DLG2: variants seen among roughly 807,000 people sequenced by gnomAD.
DLG2 encodes the protein disks large homolog 2.
A neutral mutation model predicts 132.5 loss-of-function variants in DLG2; 45 were observed. The ratio of observed to expected loss-of-function variants is 0.34; its 90% CI spans 0.27 to 0.44. The LOEUF (loss-of-function observed/expected upper bound fraction) is 0.44. DLG2 is among the 20% of genes least tolerant of loss of function. The pLI is 1.00. For synonymous variants in DLG2, 424 were observed against 419.6 expected, an observed-to-expected ratio of 1.01 and a Z score of -0.13; for missense variants, 1,045 against 1,196.9, an observed-to-expected ratio of 0.87 and a Z score of 1.87.
At chr11:84,461,126 T>C (rs1177099242) in intron 7 of DLG2, among the ~76,000 whole-genome samples, 2 of 150,918 alleles carry the variant, frequency 1.3e-5, no homozygotes, top group African/African-American at 2.4e-5. Context: ...ATTATAACAA[T>C]ATGAATTTTA....
At chr11:84,624,501 T>A (rs1363049064) in intron 6 of DLG2, among the ~76,000 whole-genome samples, 1 of 152,190 alleles carries the variant, frequency 6.6e-6, no homozygotes, top group Non-Finnish European at 1.5e-5. Context: ...GAATGACTAC[T>A]GTAGTTATAA....
chr11:83,910,784 G>C (rs1471394868), intron 15 of DLG2, among the ~76,000 whole-genome samples: 2 of 152,078 alleles, frequency 1.3e-5, no homozygotes, highest in East Asian at 3.9e-4. Context: ...CATTTCAGTT[G>C]CTCTTCATGC....
chr11:83,801,334 G>C (rs1236988169), intron 17 of DLG2, among the ~76,000 whole-genome samples: 1 of 152,012 alleles, frequency 6.6e-6, no homozygotes. Context: ...TGACTCGGCA[G>C]CCAGAATGAT....
intron 4 of DLG2, among the ~76,000 whole-genome samples, chr11:85,216,772 C>G (rs1471562671): frequency 6.6e-6 from 1 of 152,112 alleles, no homozygotes; most frequent in East Asian, 1.9e-4. Context: ...TCTTGGCTCA[C>G]GGCAACCTCC....
At chr11:84,215,435 AT>A (rs148554094) in intron 8 of DLG2, among the ~76,000 whole-genome samples, 8 of 151,426 alleles carry the variant, frequency 5.3e-5, no homozygotes, top group Non-Finnish European at 8.8e-5. Context: ...ACTATCAATT[AT>A]TTTTTTTTCC....
chr11:83,507,661 C>T (rs1207977478), intron 21 of DLG2, among the ~76,000 whole-genome samples: 1 of 142,988 alleles, frequency 7.0e-6, no homozygotes, highest in African/African-American at 2.6e-5. Context: ...GAATCACCAC[C>T]CCTGCATCTT....
intron 21 of DLG2, among the ~76,000 whole-genome samples, chr11:83,524,433 T>A (rs2095556903): frequency 6.6e-6 from 1 of 152,160 alleles, no homozygotes; most frequent in Non-Finnish European, 1.5e-5. Flanking sequence ...ACACTTTTTT[T>A]TTTTCCTGCT....
Position 85,512,622 on chromosome 11 carries a change from T to C in DLG2, c.40+86035A>G, listed in dbSNP as rs151227983. ...GTCTCCTAGCCAGGTTTATTCTTGC[T>C]CAGTGTGATACATGTCATACTAATA... On this transcript the variant is annotated intron_variant, in intron 3 of 27. Coordinates refer to ENST00000376104, the MANE Select transcript of DLG2 (RefSeq NM_001142699.3). Among the ~76,000 whole-genome samples, 639 of 152,194 alleles carry C rather than the reference T, an allele frequency of 4.2e-3. 1 individual carries two copies. The highest frequency in any genetic ancestry group is 5.2e-3 in the Non-Finnish European group (351 of 67,976).
intron 15 of DLG2, among the ~76,000 whole-genome samples, chr11:83,893,249 G>T (rs970948987): frequency 2.0e-5 from 3 of 152,180 alleles, no homozygotes; most frequent in African/African-American, 7.2e-5. Flanking sequence ...TTGTTTTCAA[G>T]CATAACATCA....
intron 15 of DLG2, among the ~76,000 whole-genome samples, chr11:83,874,923 G>A (rs986508725): frequency 6.6e-6 from 1 of 152,034 alleles, no homozygotes; most frequent in Non-Finnish European, 1.5e-5. Flanking sequence ...AACATATTTG[G>A]AAAAGGTAAT....
chr11:84,238,387 C>T (rs371742578), intron 8 of DLG2, among the ~76,000 whole-genome samples: 10 of 151,978 alleles, frequency 6.6e-5, no homozygotes, highest in Non-Finnish European at 1.2e-4. Flanking sequence ...TGGTGGCACA[C>T]GCCTGTAGTC....
At chr11:85,151,382 GTT>G (rs36032909) in intron 5 of DLG2, among the ~76,000 whole-genome samples, 12,301 of 139,074 alleles carry the variant, frequency 0.088, 676 homozygotes, top group African/African-American at 0.16. Context: ...AGTACAATTT[GTT>G]TTTTTTTTTT....
chr11:85,124,280 C>A (rs2074795636), intron 5 of DLG2, among the ~76,000 whole-genome samples: 1 of 152,204 alleles, frequency 6.6e-6, no homozygotes, highest in African/African-American at 2.4e-5. Context: ...TGACCTGTGT[C>A]ACTTAAGATT....
intron 3 of DLG2, among the ~76,000 whole-genome samples, chr11:85,397,609 A>G (rs2087539930): frequency 6.6e-6 from 1 of 152,196 alleles, no homozygotes; most frequent in African/African-American, 2.4e-5. Flanking sequence ...GGAAAGCAAA[A>G]AAAAGCAGGA....
At chr11:84,440,089 T>C (rs1290416653) in intron 7 of DLG2, among the ~76,000 whole-genome samples, 1 of 152,220 alleles carries the variant, frequency 6.6e-6, no homozygotes, top group Admixed American at 6.5e-5. Flanking sequence ...GGTTTTGCCT[T>C]TATGTTGAAC....
chr11:83,603,723 C>T (rs537377393), intron 19 of DLG2, among the ~76,000 whole-genome samples: 25 of 152,152 alleles, frequency 1.6e-4, no homozygotes, highest in African/African-American at 5.3e-4. Flanking sequence ...CTTGTAATTC[C>T]TTGATTATCA....
At chr11:84,346,179 C>A (rs976765241) in intron 7 of DLG2, among the ~76,000 whole-genome samples, 2 of 152,170 alleles carry the variant, frequency 1.3e-5, no homozygotes, top group African/African-American at 4.8e-5. Context: ...TCAGTTAAGT[C>A]ATATAGTGCA....
At chr11:84,571,838 A>G (rs1262413908) in intron 6 of DLG2, among the ~76,000 whole-genome samples, 1 of 152,144 alleles carries the variant, frequency 6.6e-6, no homozygotes, top group African/African-American at 2.4e-5. Flanking sequence ...GGCAAACCAC[A>G]GCTGAGTTTT....
At chr11:84,296,718 T>G (rs1056597651) in intron 7 of DLG2, among the ~76,000 whole-genome samples, 3 of 152,110 alleles carry the variant, frequency 2.0e-5, no homozygotes, top group Non-Finnish European at 4.4e-5. Context: ...GGGATTACCA[T>G]GCCCAGCTGT....
Sources: allele counts gnomAD v4.1 joint callset (sites outside exome capture counted in the v4.1 genomes callset), GRCh38; gene constraint gnomAD v4.1.1; transcripts MANE v1.5; gene names NCBI Gene and HGNC (gene_info 2026-07-23, HGNC 2026-07-21).